The following ROR1 variants were observed in gnomAD, a reference collection of about 807,000 sequenced individuals.
ROR1 encodes the protein inactive tyrosine-protein kinase transmembrane receptor ROR1.
In ROR1, 19 loss-of-function variants were observed where a neutral mutation model predicts 78.8. That is an observed-to-expected ratio of 0.24 (90% CI 0.17 to 0.35). ROR1 has a LOEUF of 0.35. ROR1 is among the 10% of genes least tolerant of loss of function. ROR1 has a pLI of 1.00. For missense variants in ROR1, 917 were observed against 1,177.8 expected, an observed-to-expected ratio of 0.78 and a Z score of 3.24; for synonymous variants, 386 against 433.6, an observed-to-expected ratio of 0.89 and a Z score of 1.36.
chr1:64,116,718 G>A (rs959483547), intron 4 of ROR1, among the ~76,000 whole-genome samples: 1 of 152,160 alleles, frequency 6.6e-6, no homozygotes, highest in Non-Finnish European at 1.5e-5. Context: ...ACCAATCCGT[G>A]TAGTGAGACA....
intron 2 of ROR1, among the ~76,000 whole-genome samples, chr1:64,043,649 T>C (rs1389658470): frequency 6.6e-6 from 1 of 152,168 alleles, no homozygotes; most frequent in East Asian, 1.9e-4. Flanking sequence ...TTAGTTCAGG[T>C]TATGAGTGGT....
At chr1:64,139,221 C>T (rs918117696) in intron 5 of ROR1, among the ~76,000 whole-genome samples, 3 of 144,236 alleles carry the variant, frequency 2.1e-5, no homozygotes, top group African/African-American at 7.7e-5. Flanking sequence ...TAATTGGTAA[C>T]CTATTTATAA....
chr1:64,103,935 A>G (rs1414265335), intron 4 of ROR1, among the ~76,000 whole-genome samples: 1 of 152,112 alleles, frequency 6.6e-6, no homozygotes, highest in African/African-American at 2.4e-5. Flanking sequence ...AATGTCTACA[A>G]ACATTTTTGG....
Position 64,180,935 on chromosome 1 carries a change from A to T in ROR1, c.*2080A>T, listed in dbSNP as rs1458024694. ...CATTTATTTTAAACATTTTATAATA[A>T]CTGAAAACATTAAAGTGAGCAAATG... On this transcript the variant is annotated 3_prime_UTR_variant, in exon 9 of 9. Coordinates refer to ENST00000371079, the MANE Select transcript of ROR1 (RefSeq NM_005012.4). 6.6e-6 allele frequency: 1 copy of T among 152,152 alleles called. No individual in the cohort carries two copies. The highest frequency in any genetic ancestry group is 1.5e-5 in the Non-Finnish European group (1 of 67,978). The allele number at this position is 152,152 out of a possible 1,614,324, so 9.4% of individuals were successfully genotyped here.
chr1:64,034,429 C>T (rs989303803), intron 2 of ROR1, among the ~76,000 whole-genome samples: 1 of 152,046 alleles, frequency 6.6e-6, no homozygotes, highest in Non-Finnish European at 1.5e-5. Context: ...AATGTAGCTT[C>T]CAAAATGGAA....
intron 1 of ROR1, among the ~76,000 whole-genome samples, chr1:63,913,816 G>A (rs1038115843): frequency 6.6e-6 from 1 of 152,214 alleles, no homozygotes; most frequent in Admixed American, 6.5e-5. Context: ...CATGACCAAG[G>A]TGATTCGCAC....
At chr1:63,857,610 A>G (rs930215307) in intron 1 of ROR1, among the ~76,000 whole-genome samples, 1 of 152,236 alleles carries the variant, frequency 6.6e-6, no homozygotes, top group Admixed American at 6.5e-5. Context: ...GAGAGCACAT[A>G]AAAGTGTTTT....
intron 7 of ROR1, among the ~76,000 whole-genome samples, chr1:64,152,810 T>C (rs1286188994): frequency 1.3e-5 from 2 of 152,194 alleles, no homozygotes; most frequent in Non-Finnish European, 2.9e-5. Flanking sequence ...TCAATGATAA[T>C]GTTGAGCAGG....
intron 4 of ROR1, among the ~76,000 whole-genome samples, chr1:64,119,719 T>C (rs917877997): frequency 6.6e-6 from 1 of 150,558 alleles, no homozygotes; most frequent in South Asian, 2.1e-4. Context: ...ATGGCACATG[T>C]GTTAAAGGTG....
intron 1 of ROR1, among the ~76,000 whole-genome samples, chr1:63,974,033 C>T (rs1322451664): frequency 6.6e-6 from 1 of 152,114 alleles, no homozygotes; most frequent in Admixed American, 6.5e-5. Flanking sequence ...AGTTCATCAA[C>T]ATTATTGCTT....
intron 4 of ROR1, among the ~76,000 whole-genome samples, chr1:64,097,892 G>A (rs1647359192): frequency 6.6e-6 from 1 of 152,138 alleles, no homozygotes; most frequent in African/African-American, 2.4e-5. Flanking sequence ...TGAAGGATTT[G>A]AGAGATGAAG....
intron 1 of ROR1, among the ~76,000 whole-genome samples, chr1:63,873,494 A>G (rs1056920638): frequency 6.6e-6 from 1 of 152,140 alleles, no homozygotes; most frequent in African/African-American, 2.4e-5. Context: ...TTATCCTGAC[A>G]TGGTAGAATC....
At chr1:64,175,873 T>C (rs1650364262) in intron 8 of ROR1, among the ~76,000 whole-genome samples, 1 of 152,346 alleles carries the variant, frequency 6.6e-6, no homozygotes, top group Admixed American at 6.5e-5. Flanking sequence ...TTAAACTCTG[T>C]ACAGAGAGCT....
At chr1:64,085,095 GAA>G (rs1647140644) in intron 4 of ROR1, among the ~76,000 whole-genome samples, 1 of 152,174 alleles carries the variant, frequency 6.6e-6, no homozygotes, top group African/African-American at 2.4e-5. Flanking sequence ...TCATTTTGCT[GAA>G]GTTTTACAAA....
intron 1 of ROR1, among the ~76,000 whole-genome samples, chr1:63,876,656 G>T (rs1645287139): frequency 8.1e-6 from 1 of 123,454 alleles, no homozygotes; most frequent in Admixed American, 7.3e-5. Context: ...GTGTGTGTGT[G>T]TGTGTGTGTG....
chr1:64,076,902 C>G (rs1322407355), intron 4 of ROR1, among the ~76,000 whole-genome samples: 1 of 152,066 alleles, frequency 6.6e-6, no homozygotes, highest in Non-Finnish European at 1.5e-5. Context: ...TTTTACTTAG[C>G]TATTAGTTAA....
intron 1 of ROR1, among the ~76,000 whole-genome samples, chr1:63,894,360 A>AG (rs1645423142): frequency 6.6e-6 from 1 of 152,196 alleles, no homozygotes; most frequent in African/African-American, 2.4e-5. Flanking sequence ...ACTACAGATA[A>AG]GGGGGGAGAC....
At chr1:63,912,568 C>CA (rs1239605767) in intron 1 of ROR1, among the ~76,000 whole-genome samples, 1 of 152,052 alleles carries the variant, frequency 6.6e-6, no homozygotes, top group African/African-American at 2.4e-5. Context: ...CAAAGCAATG[C>CA]AAAAATACAA....
At chr1:64,061,222 C>G (rs1445021294) in intron 4 of ROR1, among the ~76,000 whole-genome samples, 2 of 152,116 alleles carry the variant, frequency 1.3e-5, no homozygotes, top group Non-Finnish European at 2.9e-5. Flanking sequence ...TTTATTTGTT[C>G]AACACATTTT....
Sources: gnomAD v4.1 joint callset for allele counts (sites outside exome capture counted in the v4.1 genomes callset) on GRCh38, gnomAD v4.1.1 for gene constraint, MANE v1.5 for transcripts, NCBI Gene and HGNC (gene_info 2026-07-23, HGNC 2026-07-21) for gene names.